RGS6: variants seen among roughly 807,000 people sequenced by gnomAD.
RGS6 encodes the protein regulator of G protein signaling 6.
In RGS6, 30 loss-of-function variants were observed where a neutral mutation model predicts 78.5. The ratio of observed to expected loss-of-function variants is 0.38; its 90% CI spans 0.29 to 0.52. RGS6 has a LOEUF of 0.52. Among genes scored for constraint, RGS6 ranks in the 20% least tolerant of loss-of-function variants. RGS6 has a pLI of 0.85. For synonymous variants in RGS6, 206 were observed against 206.0 expected (o/e 1.00, Z 0.00); for missense variants, 495 against 609.7 (o/e 0.81, Z 1.98).
intron 15 of RGS6, among the ~76,000 whole-genome samples, chr14:72,527,309 A>C (rs1458075846): frequency 3.3e-5 from 5 of 152,270 alleles, no homozygotes; most frequent in Non-Finnish European, 5.9e-5. Context: ...ATTTTGTCTC[A>C]GCCAACCAGT....
intron 2 of RGS6, among the ~76,000 whole-genome samples, chr14:72,192,052 A>C (rs1384699045): frequency 6.6e-6 from 1 of 151,752 alleles, no homozygotes; most frequent in Admixed American, 6.6e-5. Flanking sequence ...TTAACACCAA[A>C]CTCCTCCAGT....
intron 3 of RGS6, among the ~76,000 whole-genome samples, chr14:72,414,809 G>C (rs1051961519): frequency 1.3e-5 from 2 of 152,192 alleles, no homozygotes; most frequent in African/African-American, 2.4e-5. Context: ...GAGTTTGCTG[G>C]AGGTCCACTC....
At chr14:72,352,852 A>G (rs1331872995) in intron 3 of RGS6, among the ~76,000 whole-genome samples, 1 of 152,040 alleles carries the variant, frequency 6.6e-6, no homozygotes, top group African/African-American at 2.4e-5. Flanking sequence ...TAATCAATTC[A>G]TTGTTTTTCT....
chr14:72,612,359 AC>A, the RGS6 span: 1 of 449,230 alleles, frequency 2.2e-6, no homozygotes, highest in South Asian at 1.7e-5. Context: ...CCTGCTCCCC[AC>A]CTCCTCTGCT....
intron 2 of RGS6, among the ~76,000 whole-genome samples, chr14:72,214,241 A>G (rs1599656889): frequency 6.7e-6 from 1 of 150,252 alleles, no homozygotes; most frequent in South Asian, 2.1e-4. Context: ...AGTGGGTGCA[A>G]CCTCGGCTCA....
intron 2 of RGS6, among the ~76,000 whole-genome samples, chr14:72,275,300 A>T (rs887048930): frequency 6.6e-6 from 1 of 152,242 alleles, no homozygotes; most frequent in East Asian, 1.9e-4. Context: ...CTTAATAACC[A>T]TAATACTAAC....
At chr14:72,412,503 T>G (rs1245202342) in intron 3 of RGS6, among the ~76,000 whole-genome samples, 2 of 152,150 alleles carry the variant, frequency 1.3e-5, no homozygotes, top group African/African-American at 2.4e-5. Flanking sequence ...TTTGTTGATC[T>G]TTTCAAAAAA....
chr14:72,291,460 C>T (rs2063561910), intron 2 of RGS6, among the ~76,000 whole-genome samples: 1 of 152,142 alleles, frequency 6.6e-6, no homozygotes, highest in African/African-American at 2.4e-5. Context: ...ATATTTTGTT[C>T]TGTTCTTTAT....
the RGS6 span, among the ~76,000 whole-genome samples, chr14:72,605,398 C>CT: frequency 6.6e-6 from 1 of 152,250 alleles, no homozygotes; most frequent in African/African-American, 2.4e-5. Context: ...TCTCAGCTTG[C>CT]TTCCCCCGGA....
At chr14:72,055,548 T>C (rs183549327) in intron 2 of RGS6, among the ~76,000 whole-genome samples, 42 of 152,280 alleles carry the variant, frequency 2.8e-4, no homozygotes, top group African/African-American at 9.9e-4. Context: ...AAACCTTGCC[T>C]CTGCACAGTG....
chr14:72,355,394 C>T (rs2080056271), intron 3 of RGS6, among the ~76,000 whole-genome samples: 1 of 152,110 alleles, frequency 6.6e-6, no homozygotes, highest in Non-Finnish European at 1.5e-5. Flanking sequence ...AGGGTTTCAC[C>T]ATGTTGCCCA....
At chr14:72,069,977 G>A (rs1200960344) in intron 2 of RGS6, among the ~76,000 whole-genome samples, 1 of 152,130 alleles carries the variant, frequency 6.6e-6, no homozygotes, top group East Asian at 1.9e-4. Context: ...GGATTCTTTA[G>A]ACCTTCCTTA....
chr14:72,181,657 T>C (rs74630598), intron 2 of RGS6, among the ~76,000 whole-genome samples: 7,040 of 152,310 alleles, frequency 0.046, 219 homozygotes, highest in Middle Eastern at 0.1. Flanking sequence ...ATTTGAAAGA[T>C]TGATATTTAC....
At chr14:72,415,534 G>T (rs1400567315) in intron 3 of RGS6, among the ~76,000 whole-genome samples, 1 of 152,224 alleles carries the variant, frequency 6.6e-6, no homozygotes, top group East Asian at 1.9e-4. Flanking sequence ...ACGGTGCGCT[G>T]CACCCACTGT....
At chr14:72,112,153 G>A (rs1264992429) in intron 2 of RGS6, among the ~76,000 whole-genome samples, 1 of 152,176 alleles carries the variant, frequency 6.6e-6, no homozygotes, top group African/African-American at 2.4e-5. Flanking sequence ...TGGGAGAGGA[G>A]TCCTTGTGCT....
chr14:72,504,228 C>A (rs1257203527), intron 13 of RGS6, among the ~76,000 whole-genome samples: 1 of 152,182 alleles, frequency 6.6e-6, no homozygotes, highest in East Asian at 1.9e-4. Context: ...CTTGGCCACA[C>A]TATTAGTGGT....
intron 2 of RGS6, among the ~76,000 whole-genome samples, chr14:72,147,410 A>G (rs776242335): frequency 1.3e-4 from 20 of 152,246 alleles, no homozygotes; most frequent in Non-Finnish European, 2.4e-4. Flanking sequence ...TTCTTGCTGC[A>G]TGATCCTGTG....
At chr14:72,166,469 C>A (rs914623210) in intron 2 of RGS6, among the ~76,000 whole-genome samples, 5 of 152,134 alleles carry the variant, frequency 3.3e-5, no homozygotes, top group African/African-American at 9.7e-5. Flanking sequence ...AAATAGGGAA[C>A]TGTGTTGTTT....
At chr14:72,460,570 T>A (rs2095752509) in intron 6 of RGS6, among the ~76,000 whole-genome samples, 1 of 152,148 alleles carries the variant, frequency 6.6e-6, no homozygotes, top group Admixed American at 6.5e-5. Flanking sequence ...CAGATCTGAG[T>A]GGCTCCAAAA....
Sources: gnomAD v4.1 joint callset for allele counts (sites outside exome capture counted in the v4.1 genomes callset) on GRCh38, gnomAD v4.1.1 for gene constraint, MANE v1.5 for transcripts, NCBI Gene and HGNC (gene_info 2026-07-23, HGNC 2026-07-21) for gene names.